Variants in KIFAP3 observed in about 807,000 individuals in gnomAD.
The protein encoded by KIFAP3 is kinesin-associated protein 3.
A neutral mutation model predicts 106.5 loss-of-function variants in KIFAP3; 68 were observed. The observed-to-expected ratio is 0.64, with a 90% confidence interval of 0.53 to 0.78. KIFAP3 has a LOEUF of 0.78. Ranked by LOEUF, KIFAP3 falls within the 30% of genes least tolerant of loss-of-function variation. The pLI, the probability that KIFAP3 is intolerant of heterozygous loss-of-function variation, is 0.00. For synonymous variants in KIFAP3, 320 were observed against 311.5 expected (o/e 1.03, Z -0.29); for missense variants, 780 against 941.8 (o/e 0.83, Z 2.25).
intron 10 of KIFAP3, 141 bp downstream of exon 10, chr1:170,016,321 G>T: frequency 1.6e-6 from 1 of 634,480 alleles, no homozygotes. Flanking sequence ...TACTTACTCT[G>T]CTTATTTTTA....
chr1:170,033,773 A>G (rs1294170425), intron 7 of KIFAP3, among the ~76,000 whole-genome samples: 1 of 151,804 alleles, frequency 6.6e-6, no homozygotes, highest in Non-Finnish European at 1.5e-5. Context: ...AAACACTGAC[A>G]TTGTTAAAGA....
At chr1:169,995,537 A>C (rs894553497) in intron 10 of KIFAP3, among the ~76,000 whole-genome samples, 1 of 152,144 alleles carries the variant, frequency 6.6e-6, no homozygotes, top group Non-Finnish European at 1.5e-5. Context: ...TAGGATTCCA[A>C]GTAATACAAC....
At chr1:170,055,999 G>A (rs1670833964) in intron 1 of KIFAP3, among the ~76,000 whole-genome samples, 1 of 151,900 alleles carries the variant, frequency 6.6e-6, no homozygotes, top group Admixed American at 6.6e-5. Flanking sequence ...GGGCATGGTG[G>A]CAGGTGTCTG....
chr1:170,011,380 G>C (rs1235868218), intron 10 of KIFAP3, among the ~76,000 whole-genome samples: 1 of 151,652 alleles, frequency 6.6e-6, no homozygotes, highest in Non-Finnish European at 1.5e-5. Context: ...CTAATAACTA[G>C]CATAAAAAAG....
chr1:170,074,430 C>A lies in KIFAP3; in HGVS notation c.32+6G>T. ...AGGGTAGGACAGAGCCTTGGGGAGTCGTCACCTTTTGAGGTATCTGGCGTC... is the reference window on the plus strand; with the variant it reads ...AGGGTAGGACAGAGCCTTGGGGAGTAGTCACCTTTTGAGGTATCTGGCGTC... On this transcript the variant is annotated splice_donor_region_variant and intron_variant, in intron 1 of 19. Transcript: ENST00000361580. The A allele has an allele frequency of 6.2e-7, 1 of 1,613,934 alleles. No homozygotes were observed. The highest frequency in any genetic ancestry group is 1.1e-5 in the South Asian group (1 of 91,016).
At chr1:170,056,866 T>C (rs1670877042) in intron 1 of KIFAP3, among the ~76,000 whole-genome samples, 1 of 151,722 alleles carries the variant, frequency 6.6e-6, no homozygotes, top group Non-Finnish European at 1.5e-5. Context: ...AAGTAAAGAA[T>C]GAAAACAGAA....
intron 16 of KIFAP3, among the ~76,000 whole-genome samples, chr1:169,976,657 T>C (rs1666232868): frequency 2.0e-5 from 3 of 152,182 alleles, no homozygotes; most frequent in African/African-American, 7.2e-5. Context: ...AATATTAACA[T>C]TTCTCAAATT....
At chr1:170,078,639 T>G (rs1227409174), upstream of KIFAP3, among the ~76,000 whole-genome samples, 2 of 152,180 alleles carry the variant, frequency 1.3e-5, no homozygotes, top group Non-Finnish European at 2.9e-5. Flanking sequence ...TTAAAGCTCT[T>G]TATCTCTTAA....
intron 10 of KIFAP3, among the ~76,000 whole-genome samples, chr1:169,993,963 T>C (rs141833390): frequency 5.8e-4 from 88 of 152,332 alleles, no homozygotes; most frequent in African/African-American, 1.9e-3. Context: ...GATATATTTA[T>C]CTAACATATA....
chr1:170,084,843 T>C (rs180955664), intron 1 of KIFAP3, among the ~76,000 whole-genome samples: 17 of 152,300 alleles, frequency 1.1e-4, no homozygotes, highest in African/African-American at 3.8e-4. Context: ...TGAGGACCCA[T>C]TGAAGAATTT....
At chr1:169,940,911 ATG>A (rs3838394) in intron 19 of KIFAP3, among the ~76,000 whole-genome samples, 26,261 of 147,646 alleles carry the variant, frequency 0.18, 2,693 homozygotes, top group East Asian at 0.45. Context: ...TTTAAGAATT[ATG>A]TGTGTGTGTG....
intron 1 of KIFAP3, among the ~76,000 whole-genome samples, chr1:170,061,767 T>C (rs1347490171): frequency 6.6e-6 from 1 of 152,184 alleles, no homozygotes; most frequent in African/African-American, 2.4e-5. Context: ...CCAACCCAAA[T>C]GTCTATCAAT....
At chr1:169,931,929 T>C (rs1466805290) in intron 19 of KIFAP3, among the ~76,000 whole-genome samples, 1 of 152,204 alleles carries the variant, frequency 6.6e-6, no homozygotes, top group African/African-American at 2.4e-5. Flanking sequence ...AACTGTGTAT[T>C]TTACCCCTAT....
intron 5 of KIFAP3, among the ~76,000 whole-genome samples, chr1:170,036,292 A>G (rs1669691493): frequency 6.6e-6 from 1 of 152,090 alleles, no homozygotes; most frequent in Non-Finnish European, 1.5e-5. Flanking sequence ...ACTGTTCTTA[A>G]TAGATACTCA....
chr1:170,025,359 T>C (rs897363900), intron 8 of KIFAP3, among the ~76,000 whole-genome samples: 2 of 152,140 alleles, frequency 1.3e-5, no homozygotes, highest in Admixed American at 6.5e-5. Flanking sequence ...AAGAATTATA[T>C]AGGCTTTTAT....
chr1:170,031,843 A>G (rs1487431695), intron 8 of KIFAP3, 43 bp downstream of exon 8: 3 of 1,190,196 alleles, frequency 2.5e-6, no homozygotes, highest in Non-Finnish European at 3.7e-6. Flanking sequence ...ATGTATTTGG[A>G]GTAAGTACTT....
intron 19 of KIFAP3, among the ~76,000 whole-genome samples, chr1:169,934,795 A>G (rs1663694355): frequency 6.6e-6 from 1 of 151,962 alleles, no homozygotes; most frequent in South Asian, 2.1e-4. Flanking sequence ...TGTTATTTCA[A>G]GTATGCAGGA....
intron 8 of KIFAP3, among the ~76,000 whole-genome samples, chr1:170,026,157 C>T (rs779576792): frequency 1.2e-4 from 18 of 152,066 alleles, no homozygotes; most frequent in Non-Finnish European, 2.4e-4. Context: ...TAGAAAGAGA[C>T]GAGAGAAGAT....
At chr1:169,963,774 G>A (rs541341510) in intron 17 of KIFAP3, among the ~76,000 whole-genome samples, 5 of 152,208 alleles carry the variant, frequency 3.3e-5, no homozygotes, top group African/African-American at 4.8e-5. Flanking sequence ...GATTACAGGC[G>A]TGAGCCACCG....
Sources: gnomAD v4.1 joint callset for allele counts (sites outside exome capture counted in the v4.1 genomes callset) on GRCh38, gnomAD v4.1.1 for gene constraint, MANE v1.5 for transcripts, NCBI Gene and HGNC (gene_info 2026-07-23, HGNC 2026-07-21) for gene names.